Variants in EFL1 observed in about 807,000 individuals in gnomAD.
EFL1 encodes the protein elongation factor like GTPase 1, also known as elongation factor-like GTPase 1.
A neutral mutation model predicts 126.7 loss-of-function variants in EFL1; 76 were observed. The ratio of observed to expected loss-of-function variants is 0.60; its 90% CI spans 0.50 to 0.73. The LOEUF (loss-of-function observed/expected upper bound fraction) is 0.73. EFL1 is among the 30% of genes least tolerant of loss of function. The pLI is 0.00. For missense variants in EFL1, 1,128 were observed against 1,343.2 expected (o/e 0.84, Z 2.50); for synonymous variants, 410 against 448.4 (o/e 0.91, Z 1.08).
intron 15 of EFL1, among the ~76,000 whole-genome samples, chr15:82,209,712 T>A (rs2141290727): frequency 1.3e-5 from 2 of 152,318 alleles, no homozygotes; most frequent in Middle Eastern, 3.4e-3. Flanking sequence ...TTTATAAACA[T>A]CAGGTTAGAA....
rs1468102919 is a variant in EFL1, at chr15:82,152,173, C to A, written c.2281G>T (p.Glu761Ter). 6.2e-7 allele frequency: 1 copy of A among 1,614,132 alleles called. No individual in the cohort carries two copies. The highest frequency in any genetic ancestry group is 8.5e-7 in the Non-Finnish European group (1 of 1,180,036). Residue 761 changes from glutamate (E) to a stop codon, truncating the protein, a stop_gained, in exon 18 of 20, where the codon GAA (glutamate) becomes TAA (stop). Transcript: ENST00000268206. LOFTEE classifies it high-confidence loss of function. Reference sequence around the variant, plus strand: ...TTTTCTTCCAGAATCTGGGTGACTTCTTCTGGAAGGGGCATGGCTCGAACA... The same window carrying A: ...TTTTCTTCCAGAATCTGGGTGACTTATTCTGGAAGGGGCATGGCTCGAACA... The part of the protein sequence containing the change: ...LSVRAMPLPE[E>*]VTQILEENSD...
chr15:82,203,767 T>C (rs2074496028), intron 15 of EFL1, among the ~76,000 whole-genome samples: 1 of 152,248 alleles, frequency 6.6e-6, no homozygotes, highest in Non-Finnish European at 1.5e-5. Flanking sequence ...TTGATACATA[T>C]AATGTACTTC....
rs567655117 is a variant in EFL1, at chr15:82,225,318, A to C, written c.1193-54T>G. 9.4e-6 allele frequency: 13 copies of C among 1,384,258 alleles called. No homozygotes were observed. In the South Asian group the frequency reaches 1.8e-4, roughly 20 times the overall value. 85.7% of individuals were successfully genotyped at this position (1,384,258 alleles called of 1,614,324 possible). A position where few individuals can be genotyped will look rare whatever the true frequency, so the allele number is the denominator to read the frequency against. ...TATTTTTCCCATTATTAAAAAAAAAAAACAGATTTTTCTGGAAAACAATTA... is the reference window on the plus strand; with the variant it reads ...TATTTTTCCCATTATTAAAAAAAAACAACAGATTTTTCTGGAAAACAATTA... On this transcript the variant is annotated intron_variant, in intron 11 of 19. Coordinates refer to ENST00000268206, the MANE Select transcript of EFL1 (RefSeq NM_024580.6).
chr15:82,217,373 G>GAAAAAAAAAAA lies in EFL1; in HGVS notation c.1611+2268_1611+2278dup. On this transcript the variant is annotated intron_variant, in intron 14 of 19. Transcript: ENST00000268206. ...AATCAAGGTAGCATTGATTAGATTT[G>GAAAAAAAAAAA]AAAAAAAAAAAAAAAAAAAAAACGA... 1.8e-3 allele frequency among the ~76,000 whole-genome samples: 48 copies of GAAAAAAAAAAA among 27,136 alleles called. 1 individual carries two copies. The highest frequency in any genetic ancestry group is 3.8e-3 in the African/African-American group (26 of 6,798). 17.8% of individuals were successfully genotyped at this position (27,136 alleles called of 152,430 possible).
chr15:82,201,835 C>T (rs2074472129), intron 15 of EFL1, among the ~76,000 whole-genome samples: 1 of 149,478 alleles, frequency 6.7e-6, no homozygotes. Flanking sequence ...TCCTTCTCCA[C>T]TTTGTCTGTA....
intron 14 of EFL1, among the ~76,000 whole-genome samples, chr15:82,217,386 A>AG: frequency 6.6e-6 from 1 of 150,778 alleles, no homozygotes; most frequent in East Asian, 1.9e-4. Context: ...AAAAAAAAAA[A>AG]AAAAAAAAAC....
At chr15:82,190,166 T>C (rs1371329766) in intron 15 of EFL1, among the ~76,000 whole-genome samples, 1 of 152,108 alleles carries the variant, frequency 6.6e-6, no homozygotes, top group Non-Finnish European at 1.5e-5. Context: ...TCAGAATTTC[T>C]TTAGCTTTCT....
In EFL1 at chr15:82,130,472, C is replaced by A. The variant is rs1431937891; in HGVS notation, c.3264G>T (p.Arg1088=). The change falls in exon 20 of 20, where the codon CGG becomes CGT. Residue 1088 remains arginine, a synonymous_variant. Coordinates refer to ENST00000268206, the MANE Select transcript of EFL1 (RefSeq NM_024580.6). The stretch of plus-strand genomic sequence containing the variant: ...GCTTTCGTACTGCGTTCATGTACTT[C>A]CGGGCTTGGTTCTCAGAGTCAGCCT... The part of the protein sequence containing the change: ...GEKADSENQA[R]KYMNAVRKRK... 6.2e-7 allele frequency: 1 copy of A among 1,614,170 alleles called. No individual in the cohort carries two copies. The highest frequency in any genetic ancestry group is 8.5e-7 in the Non-Finnish European group (1 of 1,180,038).
At chr15:82,146,592 G>C (rs2073848141) in intron 18 of EFL1, among the ~76,000 whole-genome samples, 1 of 138,098 alleles carries the variant, frequency 7.2e-6, no homozygotes, top group Non-Finnish European at 1.5e-5. Flanking sequence ...TAAGCAAGAG[G>C]ACTTCAAATC....
intron 15 of EFL1, among the ~76,000 whole-genome samples, chr15:82,204,689 T>C (rs188034671): frequency 6.6e-6 from 1 of 152,234 alleles, no homozygotes; most frequent in Non-Finnish European, 1.5e-5. Flanking sequence ...ATCTGTTCCT[T>C]GAGCATGACC....
intron 17 of EFL1, among the ~76,000 whole-genome samples, chr15:82,155,142 ATTATTTAT>A (rs998874672): frequency 6.6e-6 from 1 of 152,098 alleles, no homozygotes; most frequent in Non-Finnish European, 1.5e-5. Context: ...TGAATACGCC[ATTATTTAT>A]TTATTTATTT....
At chr15:82,168,675 G>A (rs954253081) in intron 15 of EFL1, among the ~76,000 whole-genome samples, 1 of 152,116 alleles carries the variant, frequency 6.6e-6, no homozygotes, top group Non-Finnish European at 1.5e-5. Context: ...ACCACGCCCG[G>A]CTAATTTTTT....
chr15:82,179,527 A>T (rs1048144865), intron 15 of EFL1, among the ~76,000 whole-genome samples: 4 of 152,092 alleles, frequency 2.6e-5, no homozygotes, highest in African/African-American at 9.7e-5. Flanking sequence ...GCAGTTCTGG[A>T]GAGAGCCCAG....
intron 7 of EFL1, among the ~76,000 whole-genome samples, chr15:82,234,286 CTGAA>C (rs749479614): frequency 6.6e-6 from 1 of 152,144 alleles, no homozygotes; most frequent in East Asian, 1.9e-4. Context: ...TATTATATGA[CTGAA>C]TGAATCACTG....
intron 15 of EFL1, among the ~76,000 whole-genome samples, chr15:82,166,863 G>C (rs2074084941): frequency 6.6e-6 from 1 of 151,816 alleles, no homozygotes; most frequent in African/African-American, 2.4e-5. Flanking sequence ...AGTCACTTTA[G>C]TGAAAATTAT....
intron 3 of EFL1, among the ~76,000 whole-genome samples, chr15:82,254,816 AAAG>A (rs911173130): frequency 2.0e-5 from 3 of 152,184 alleles, no homozygotes; most frequent in African/African-American, 7.2e-5. Flanking sequence ...CATTCTGGAG[AAAG>A]GAGGAGGAGG....
intron 15 of EFL1, among the ~76,000 whole-genome samples, chr15:82,178,484 C>T (rs1236515666): frequency 6.6e-6 from 1 of 152,166 alleles, no homozygotes; most frequent in Non-Finnish European, 1.5e-5. Context: ...TTGTGCTTCA[C>T]TCTCTTAGAG....
intron 19 of EFL1, among the ~76,000 whole-genome samples, chr15:82,133,150 C>G (rs2073677845): frequency 6.6e-6 from 1 of 152,148 alleles, no homozygotes; most frequent in African/African-American, 2.4e-5. Context: ...ATGTAATACA[C>G]TTTTATAGCA....
intron 15 of EFL1, among the ~76,000 whole-genome samples, chr15:82,214,175 C>T (rs1342043537): frequency 2.0e-5 from 3 of 152,082 alleles, no homozygotes; most frequent in African/African-American, 7.2e-5. Context: ...TAGGGTTGCA[C>T]TAGAAAACTC....
Sources: allele counts gnomAD v4.1 joint callset (sites outside exome capture counted in the v4.1 genomes callset), GRCh38; gene constraint gnomAD v4.1.1; transcripts MANE v1.5; gene names NCBI Gene and HGNC (gene_info 2026-07-23, HGNC 2026-07-21).